The following YTHDC2 variants were observed in gnomAD, a reference collection of about 807,000 sequenced individuals.
YTHDC2 encodes the protein YTH N6-methyladenosine RNA binding protein C2.
In YTHDC2, 45 loss-of-function variants were observed where a neutral mutation model predicts 174.9. That is an observed-to-expected ratio of 0.26 (90% CI 0.20 to 0.33). The LOEUF is 0.33. YTHDC2 is among the 10% of genes least tolerant of loss of function. The pLI is 1.00. For missense variants in YTHDC2, 1,650 were observed against 1,723.7 expected (o/e 0.96, Z 0.76); for synonymous variants, 657 against 574.5 (o/e 1.14, Z -2.05).
At chr5:113,540,834 A>G (rs952875979) in intron 8 of YTHDC2, 134 bp from the exon 9 acceptor site, 17 of 735,306 alleles carry the variant, frequency 2.3e-5, no homozygotes, top group East Asian at 1.7e-4. Flanking sequence ...TTCTTAATAT[A>G]TTTTTTAAAA....
At chr5:113,527,792 G>T (rs574599793) in intron 4 of YTHDC2, among the ~76,000 whole-genome samples, 1 of 152,076 alleles carries the variant, frequency 6.6e-6, no homozygotes, top group Non-Finnish European at 1.5e-5. Context: ...GCATGAGTTT[G>T]TTTTTTATTT....
intron 12 of YTHDC2, among the ~76,000 whole-genome samples, chr5:113,550,282 A>G (rs1247428756): frequency 6.6e-6 from 1 of 152,066 alleles, no homozygotes; most frequent in East Asian, 1.9e-4. Flanking sequence ...CTGTGGGGGA[A>G]AAATTTACCT....
intron 25 of YTHDC2, 111 bp downstream of exon 25, chr5:113,581,820 T>C: frequency 1.0e-6 from 1 of 956,692 alleles, no homozygotes; most frequent in Middle Eastern, 3.6e-4. Context: ...TTTTATAATC[T>C]AAGATCCATG....
Position 113,567,831 on chromosome 5 carries a change from G to C in YTHDC2, c.3226G>C (p.Glu1076Gln), listed in dbSNP as rs371746869. ...TAGATTGGCAAGTAATGCTCTTCAGGAACCTTCATCCTTTAGAGGTAAATG... is the reference window on the plus strand; with the variant it reads ...TAGATTGGCAAGTAATGCTCTTCAGCAACCTTCATCCTTTAGAGGTAAATG... ...PARLASNALQ[E>Q]PSSFRVDGIP... The change falls in exon 23 of 30, where the codon GAA (glutamate) becomes CAA (glutamine). Residue 1076 changes from glutamate (E) to glutamine (Q), a missense_variant. Physicochemically the swap from Glu to Gln is conservative, Grantham distance 29. This residue lies in a region of YTHDC2 where 913 missense variants were observed against 940.4 expected (regional missense o/e 0.97). Transcript: ENST00000161863. 2 of 1,563,928 alleles carry C rather than the reference G, an allele frequency of 1.3e-6. No homozygotes were observed. The highest frequency in any genetic ancestry group is 2.7e-5 in the African/African-American group (2 of 73,110).
chr5:113,515,458 T>C (rs1773351352), intron 2 of YTHDC2, 96 bp downstream of exon 2: 1 of 976,558 alleles, frequency 1.0e-6, no homozygotes, highest in Non-Finnish European at 1.6e-6. Context: ...TATTACTGTT[T>C]TAACTTCACA....
chr5:113,582,353 T>G (rs1275376971), intron 25 of YTHDC2: 3 of 152,204 alleles, frequency 2.0e-5, no homozygotes, highest in Non-Finnish European at 4.4e-5. Context: ...CTTTTGCAAT[T>G]AAATGTGGTG....
At chr5:113,515,446 C>A in intron 2 of YTHDC2, 84 bp downstream of exon 2, 1 of 1,107,948 alleles carries the variant, frequency 9.0e-7, no homozygotes, top group Non-Finnish European at 1.3e-6. Flanking sequence ...CATTTAAGTA[C>A]TTATTACTGT....
At chr5:113,538,853 G>C (rs1214218237) in intron 7 of YTHDC2, among the ~76,000 whole-genome samples, 3 of 152,138 alleles carry the variant, frequency 2.0e-5, no homozygotes, top group Non-Finnish European at 4.4e-5. Flanking sequence ...ATGATAAGTA[G>C]GTAGTAAACA....
chr5:113,542,217 TTG>T (rs952422283), intron 9 of YTHDC2, 149 bp from the exon 10 acceptor site: 2 of 725,118 alleles, frequency 2.8e-6, no homozygotes, highest in African/African-American at 3.6e-5. Flanking sequence ...GTGATAATGT[TTG>T]TGATGAAAGG....
intron 23 of YTHDC2, among the ~76,000 whole-genome samples, chr5:113,577,759 T>C (rs575612363): frequency 2.0e-5 from 3 of 152,294 alleles, no homozygotes; most frequent in South Asian, 4.1e-4. Flanking sequence ...TTAAAAAATA[T>C]ATATTTTTGG....
At chr5:113,567,444 A>G (rs561879291) in intron 22 of YTHDC2, 147 bp downstream of exon 22, 15 of 479,846 alleles carry the variant, frequency 3.1e-5, no homozygotes, top group Middle Eastern at 6.4e-4. Flanking sequence ...ATATTGGAAC[A>G]AAACTTATAA....
At chr5:113,573,444 G>A (rs763417076) in intron 23 of YTHDC2, among the ~76,000 whole-genome samples, 17 of 151,808 alleles carry the variant, frequency 1.1e-4, no homozygotes, top group African/African-American at 2.7e-4. Context: ...TGATTTTTTT[G>A]TCTTGGGGTT....
chr5:113,549,575 T>C (rs1436033735), intron 12 of YTHDC2, among the ~76,000 whole-genome samples: 3 of 152,090 alleles, frequency 2.0e-5, no homozygotes, highest in Admixed American at 6.6e-5. Flanking sequence ...ATAAAAGATA[T>C]TGCATTCATG....
intron 23 of YTHDC2, among the ~76,000 whole-genome samples, chr5:113,578,088 G>A (rs1778174883): frequency 6.6e-6 from 1 of 151,990 alleles, no homozygotes; most frequent in East Asian, 1.9e-4. Flanking sequence ...GAATTTTAAA[G>A]GTTCAAATTC....
chr5:113,545,311 A>G (rs1178487291), intron 10 of YTHDC2, among the ~76,000 whole-genome samples: 1 of 151,812 alleles, frequency 6.6e-6, no homozygotes. Flanking sequence ...CTCTTTGTAA[A>G]TGTGTGTTGG....
At chr5:113,574,138 T>A (rs1777895292) in intron 23 of YTHDC2, among the ~76,000 whole-genome samples, 1 of 152,162 alleles carries the variant, frequency 6.6e-6, no homozygotes, top group Non-Finnish European at 1.5e-5. Context: ...TGAATGAGGT[T>A]TTTGTGGAGT....
chr5:113,543,860 C>G (rs923028440), intron 10 of YTHDC2, among the ~76,000 whole-genome samples: 1 of 152,220 alleles, frequency 6.6e-6, no homozygotes, highest in Non-Finnish European at 1.5e-5. Flanking sequence ...CACTGGTAAT[C>G]ACATGGCCCA....
Position 113,567,734 on chromosome 5 carries a change from C to A in YTHDC2, c.3129C>A (p.Ala1043=), listed in dbSNP as rs1260900102. 3.7e-6 allele frequency: 6 copies of A among 1,611,608 alleles called. No individual in the cohort carries two copies. The highest frequency in any genetic ancestry group is 5.1e-6 in the Non-Finnish European group (6 of 1,178,946). ...TTATTTATGATGAAATGACCAGAGC[C>A]CATAGAATAGCTAATATTAGATGTT... ...DWLIYDEMTR[A]HRIANIRCCS... The change falls in exon 23 of 30, where the codon GCC becomes GCA. Residue 1043 remains alanine, a synonymous_variant. Transcript: ENST00000161863.
Position 113,553,677 on chromosome 5 carries a change from G to A in YTHDC2, c.1955G>A (p.Ser652Asn), listed in dbSNP as rs10071816. 348,862 of 1,613,020 alleles carry A rather than the reference G, an allele frequency of 0.22. 46,418 individuals carry two copies. The highest frequency in any genetic ancestry group is 0.59 in the African/African-American group (43,868 of 74,872). ...TTTGATGACAAGCGGTTTGCTGACA[G>A]TACACATAGGTAAGGGCTAAAGCCT... Reference protein sequence around the residue: ...ILFDDKRFADSTHRYQVFMLH... With the variant: ...ILFDDKRFADNTHRYQVFMLH... Residue 652 changes from serine to asparagine, a missense_variant, in exon 14 of 30, where the codon AGT becomes AAT. Around this residue, in one of 5 missense-constraint regions of YTHDC2, gnomAD observed 913 missense variants for 940.4 expected, o/e 0.97. Transcript: ENST00000161863.
Sources: gnomAD v4.1 joint callset for allele counts (sites outside exome capture counted in the v4.1 genomes callset) on GRCh38, gnomAD v4.1.1 for gene constraint, gnomAD v4.1.1 regional missense constraint, MANE v1.5 for transcripts, NCBI Gene and HGNC (gene_info 2026-07-23, HGNC 2026-07-21) for gene names.